DLGAP1: variants seen among roughly 807,000 people sequenced by gnomAD.
The protein encoded by DLGAP1 is DLG associated protein 1, also known as disks large-associated protein 1.
Under a neutral mutation model 90.8 loss-of-function variants are expected in DLGAP1, and 11 were observed. The ratio of observed to expected loss-of-function variants is 0.12; its 90% CI spans 0.08 to 0.20. The LOEUF (loss-of-function observed/expected upper bound fraction) is 0.20. Among genes scored for constraint, DLGAP1 ranks in the 10% least tolerant of loss-of-function variants. The pLI is 1.00. For missense variants in DLGAP1, 1,050 were observed against 1,333.8 expected, an observed-to-expected ratio of 0.79 and a Z score of 3.31; for synonymous variants, 558 against 540.7, an observed-to-expected ratio of 1.03 and a Z score of -0.44.
At chr18:4,241,750 A>G (rs2078538543) in intron 1 of DLGAP1, among the ~76,000 whole-genome samples, 1 of 152,252 alleles carries the variant, frequency 6.6e-6, no homozygotes, top group African/African-American at 2.4e-5. Flanking sequence ...GACTGCCATT[A>G]GATTCCTACA....
At chr18:4,187,344 T>C (rs9967446) in intron 1 of DLGAP1, among the ~76,000 whole-genome samples, 70,355 of 151,914 alleles carry the variant, frequency 0.46, 18,137 homozygotes, top group East Asian at 0.71. Flanking sequence ...AAGAAGAATG[T>C]TTCCAGCTTT....
At chr18:3,944,513 G>A (rs748255873) in intron 3 of DLGAP1, among the ~76,000 whole-genome samples, 2 of 151,538 alleles carry the variant, frequency 1.3e-5, no homozygotes, top group Non-Finnish European at 2.9e-5. Flanking sequence ...AAAAAAAAAA[G>A]TGCAAGGTGA....
intron 7 of DLGAP1, among the ~76,000 whole-genome samples, chr18:3,674,631 A>C (rs2060230368): frequency 6.6e-6 from 1 of 151,834 alleles, no homozygotes; most frequent in Non-Finnish European, 1.5e-5. Context: ...AATAAATAAT[A>C]ATAATAAAAA....
chr18:3,549,879 A>C (rs1418753468), intron 9 of DLGAP1, among the ~76,000 whole-genome samples: 1 of 152,000 alleles, frequency 6.6e-6, no homozygotes, highest in Non-Finnish European at 1.5e-5. Flanking sequence ...GTATTTGGAG[A>C]TAGGACCTTT....
chr18:4,176,749 T>C (rs1001818183), intron 1 of DLGAP1, among the ~76,000 whole-genome samples: 1 of 152,240 alleles, frequency 6.6e-6, no homozygotes, highest in African/African-American at 2.4e-5. Context: ...AACCCTCTGC[T>C]TCTCTATTGT....
chr18:4,426,895 A>T (rs2083170383), intron 1 of DLGAP1, among the ~76,000 whole-genome samples: 2 of 151,718 alleles, frequency 1.3e-5, no homozygotes, highest in South Asian at 4.1e-4. Context: ...GAAGGAGAAA[A>T]TATATTAGGT....
intron 1 of DLGAP1, among the ~76,000 whole-genome samples, chr18:4,329,166 T>C (rs956471863): frequency 6.6e-6 from 1 of 152,006 alleles, no homozygotes; most frequent in East Asian, 1.9e-4. Context: ...TATAGCTCTA[T>C]AAACCAGTTT....
At chr18:3,976,191 CAATAAT>C (rs71160926) in intron 3 of DLGAP1, among the ~76,000 whole-genome samples, 12 of 132,812 alleles carry the variant, frequency 9.0e-5, no homozygotes, top group African/African-American at 2.9e-4. Context: ...ACTAAAAATA[CAATAAT>C]AATAATAATA....
chr18:4,135,261 A>C (rs1010500248), intron 2 of DLGAP1, among the ~76,000 whole-genome samples: 1 of 151,984 alleles, frequency 6.6e-6, no homozygotes, highest in Non-Finnish European at 1.5e-5. Context: ...GACAGCAAAC[A>C]GTAGAAGAGG....
chr18:4,361,282 A>C (rs1311177929), intron 1 of DLGAP1, among the ~76,000 whole-genome samples: 2 of 152,328 alleles, frequency 1.3e-5, no homozygotes. Flanking sequence ...AATAATTTTC[A>C]AGAAATCCTG....
At chr18:3,675,454 A>C (rs562022362) in intron 7 of DLGAP1, among the ~76,000 whole-genome samples, 2 of 152,364 alleles carry the variant, frequency 1.3e-5, no homozygotes, top group African/African-American at 4.8e-5. Flanking sequence ...ACTCAGATCC[A>C]GCAACATCTG....
chr18:3,624,534 G>A (rs190498017), intron 7 of DLGAP1, among the ~76,000 whole-genome samples: 1 of 152,274 alleles, frequency 6.6e-6, no homozygotes, highest in Admixed American at 6.5e-5. Context: ...CATTTCTGCC[G>A]CGTCATTTTC....
intron 2 of DLGAP1, among the ~76,000 whole-genome samples, chr18:4,062,225 G>A (rs6506163): frequency 0.43 from 65,638 of 151,664 alleles, 15,140 homozygotes; most frequent in African/African-American, 0.6. Flanking sequence ...TTGCCTAAGC[G>A]CAGTAAGAAT....
intron 1 of DLGAP1, among the ~76,000 whole-genome samples, chr18:4,350,036 A>G (rs1405104252): frequency 2.0e-5 from 3 of 152,184 alleles, no homozygotes; most frequent in Non-Finnish European, 4.4e-5. Flanking sequence ...GGATGCAATT[A>G]AAACCAAGTA....
intron 5 of DLGAP1, among the ~76,000 whole-genome samples, chr18:3,803,957 CATAT>C (rs33952757): frequency 0.054 from 4,427 of 82,708 alleles, 80 homozygotes; most frequent in Non-Finnish European, 0.063. Flanking sequence ...TATGTAGGTT[CATAT>C]ATATATATAT....
At chr18:4,282,961 G>A (rs1378111961) in intron 1 of DLGAP1, among the ~76,000 whole-genome samples, 2 of 152,144 alleles carry the variant, frequency 1.3e-5, no homozygotes, top group East Asian at 3.9e-4. Flanking sequence ...TAATCAGTCT[G>A]TTCAAAGTGT....
rs59376736 is a variant in DLGAP1, at chr18:4,379,474, A to G, written c.-267+75532T>C. On this transcript the variant is annotated intron_variant, in intron 1 of 12. Coordinates refer to ENST00000315677, the MANE Select transcript of DLGAP1 (RefSeq NM_004746.4). ...TTGACTGTCCCTATATCAATTCTAC[A>G]TCTTTCAAGGCCCACCCAAATTCTT... 1.7e-3 allele frequency among the ~76,000 whole-genome samples: 262 copies of G among 152,288 alleles called. 2 individuals carry two copies. Among genetic ancestry groups the G allele is most frequent in the African/African-American group, 6.1e-3 (254 of 41,570 alleles).
At chr18:4,102,268 C>G (rs1371601403) in intron 2 of DLGAP1, among the ~76,000 whole-genome samples, 2 of 152,080 alleles carry the variant, frequency 1.3e-5, no homozygotes, top group African/African-American at 2.4e-5. Flanking sequence ...TACGCATTTT[C>G]TTTTGAGAAA....
intron 7 of DLGAP1, among the ~76,000 whole-genome samples, chr18:3,641,171 C>A (rs1027931521): frequency 9.2e-5 from 14 of 151,728 alleles, no homozygotes; most frequent in African/African-American, 3.4e-4. Flanking sequence ...TTACATATAA[C>A]TAGTATTATA....
Sources: allele counts gnomAD v4.1 joint callset (sites outside exome capture counted in the v4.1 genomes callset), GRCh38; gene constraint gnomAD v4.1.1; transcripts MANE v1.5; gene names NCBI Gene and HGNC (gene_info 2026-07-23, HGNC 2026-07-21).